Variants in RNF180 observed in about 807,000 individuals in gnomAD.
The protein encoded by RNF180 is ring finger protein 180.
Under a neutral mutation model 59.2 loss-of-function variants are expected in RNF180, and 38 were observed. The ratio of observed to expected loss-of-function variants is 0.64; its 90% CI spans 0.50 to 0.84. The LOEUF is 0.84. Among genes scored for constraint, RNF180 ranks in the 40% least tolerant of loss-of-function variants. The pLI is 0.00. For missense variants in RNF180, 705 were observed against 700.9 expected (o/e 1.01, Z -0.07); for synonymous variants, 262 against 240.3 (o/e 1.09, Z -0.84).
intron 5 of RNF180, among the ~76,000 whole-genome samples, chr5:64,270,007 C>T (rs930429975): frequency 6.8e-6 from 1 of 146,776 alleles, no homozygotes; most frequent in African/African-American, 2.6e-5. Context: ...TCTGTCTCTT[C>T]CTCCTTCCCA....
In RNF180 at chr5:64,214,269, G is replaced by C; in HGVS notation, c.943G>C (p.Glu315Gln). 6.2e-6 allele frequency: 10 copies of C among 1,614,068 alleles called. No homozygotes were observed. The highest frequency in any genetic ancestry group is 8.5e-6 in the Non-Finnish European group (10 of 1,180,012). ...AGGAGGAGAATTTCAGTGTGGTCTA[G>C]AAGCTGCTTCAGTGTATTCTGACCA... The part of the protein sequence containing the change: ...QRGGEFQCGL[E>Q]AASVYSDHTN... Residue 315 changes from glutamate (E) to glutamine (Q), a missense_variant, in exon 4 of 8, where the codon GAA becomes CAA. Glu to Gln is a conservative substitution (Grantham distance 29). Transcript: ENST00000389100.
intron 5 of RNF180, among the ~76,000 whole-genome samples, chr5:64,291,120 G>A (rs946281405): frequency 6.6e-6 from 1 of 152,116 alleles, no homozygotes; most frequent in African/African-American, 2.4e-5. Flanking sequence ...GGAATTCTAG[G>A]TTGGAAATTC....
intron 5 of RNF180, among the ~76,000 whole-genome samples, chr5:64,285,618 G>A (rs959973050): frequency 1.3e-5 from 2 of 152,164 alleles, no homozygotes; most frequent in Non-Finnish European, 2.9e-5. Flanking sequence ...GGACTCCCGG[G>A]AGCACCATGG....
At chr5:64,351,438 A>G (rs1481055422) in intron 7 of RNF180, among the ~76,000 whole-genome samples, 1 of 152,092 alleles carries the variant, frequency 6.6e-6, no homozygotes, top group African/African-American at 2.4e-5. Flanking sequence ...TTCCAACCCT[A>G]TGTTGAATAG....
intron 1 of RNF180, among the ~76,000 whole-genome samples, chr5:64,176,623 C>G (rs762214009): frequency 2.6e-5 from 4 of 151,988 alleles, no homozygotes; most frequent in Non-Finnish European, 5.9e-5. Context: ...GTTTTTTAAT[C>G]TTGATAAATT....
At chr5:64,262,497 A>G (rs1744404156) in intron 5 of RNF180, among the ~76,000 whole-genome samples, 1 of 152,164 alleles carries the variant, frequency 6.6e-6, no homozygotes, top group Non-Finnish European at 1.5e-5. Context: ...CTCTTTTACC[A>G]TGGCATAGAG....
chr5:64,316,880 C>G (rs965880871), intron 5 of RNF180, among the ~76,000 whole-genome samples: 2 of 152,106 alleles, frequency 1.3e-5, no homozygotes, highest in African/African-American at 4.8e-5. Flanking sequence ...AAGGGGGATG[C>G]GTCCAGCGAC....
intron 2 of RNF180, among the ~76,000 whole-genome samples, chr5:64,211,096 GCAGCTGGCATCAATGGGGTTTTTCAGAC>G (rs1460490126): frequency 6.6e-6 from 1 of 152,130 alleles, no homozygotes; most frequent in Non-Finnish European, 1.5e-5. Context: ...TTCTTTCAGA[GCAGCTGGCATCAATGGGGTTTTTCAGAC>G]CAGCTGGTGT....
At chr5:64,350,968 G>A (rs1460781719) in intron 7 of RNF180, among the ~76,000 whole-genome samples, 1 of 151,906 alleles carries the variant, frequency 6.6e-6, no homozygotes, top group Non-Finnish European at 1.5e-5. Context: ...AGCTTGATGG[G>A]GATGGCATTG....
At chr5:64,278,920 T>C (rs904532708) in intron 5 of RNF180, among the ~76,000 whole-genome samples, 1 of 152,102 alleles carries the variant, frequency 6.6e-6, no homozygotes, top group Admixed American at 6.6e-5. Context: ...GTGCCTGGTA[T>C]GATGGATATC....
intron 5 of RNF180, among the ~76,000 whole-genome samples, chr5:64,257,584 G>A (rs1254891456): frequency 6.6e-6 from 1 of 152,166 alleles, no homozygotes; most frequent in Non-Finnish European, 1.5e-5. Flanking sequence ...GCTTTTTGAT[G>A]TGCTGCTGAA....
chr5:64,292,207 C>G (rs1251956283), intron 5 of RNF180, among the ~76,000 whole-genome samples: 1 of 152,126 alleles, frequency 6.6e-6, no homozygotes, highest in Non-Finnish European at 1.5e-5. Context: ...GTAGAAAAGG[C>G]ACTCTGGCCT....
chr5:64,263,014 G>C (rs898562348), intron 5 of RNF180, among the ~76,000 whole-genome samples: 1 of 152,184 alleles, frequency 6.6e-6, no homozygotes, highest in Non-Finnish European at 1.5e-5. Context: ...CACAAATATG[G>C]TGTAGCATTA....
chr5:64,184,718 C>G (rs951998320), intron 1 of RNF180, among the ~76,000 whole-genome samples: 5 of 152,100 alleles, frequency 3.3e-5, no homozygotes, highest in Admixed American at 6.6e-5. Flanking sequence ...TAAAGTATCC[C>G]TGGGCTGGTG....
intron 5 of RNF180, among the ~76,000 whole-genome samples, chr5:64,269,210 AT>A: frequency 6.6e-6 from 1 of 152,108 alleles, no homozygotes; most frequent in East Asian, 1.9e-4. Context: ...GTCTTCATTT[AT>A]GTATTCTCCC....
At chr5:64,273,810 A>G (rs558815116) in intron 5 of RNF180, among the ~76,000 whole-genome samples, 60 of 152,130 alleles carry the variant, frequency 3.9e-4, no homozygotes, top group African/African-American at 1.4e-3. Flanking sequence ...GTGAGAAGCC[A>G]CTAGAGACAA....
chr5:64,322,011 G>T (rs1285377487), intron 5 of RNF180, among the ~76,000 whole-genome samples: 2 of 152,122 alleles, frequency 1.3e-5, no homozygotes, highest in African/African-American at 4.8e-5. Flanking sequence ...ATTAACTCAA[G>T]GTGGATTAAA....
chr5:64,206,588 G>A (rs180713342), intron 2 of RNF180, among the ~76,000 whole-genome samples: 45 of 152,184 alleles, frequency 3.0e-4, no homozygotes, highest in African/African-American at 9.2e-4. Flanking sequence ...TAGTGATACC[G>A]TATATTTGTT....
intron 1 of RNF180, among the ~76,000 whole-genome samples, chr5:64,195,929 G>A (rs1751433475): frequency 6.6e-6 from 1 of 152,156 alleles, no homozygotes; most frequent in African/African-American, 2.4e-5. Flanking sequence ...ATATCTTTGG[G>A]ACGTGGGAGG....
Sources: gnomAD v4.1 joint callset for allele counts (sites outside exome capture counted in the v4.1 genomes callset) on GRCh38, gnomAD v4.1.1 for gene constraint, MANE v1.5 for transcripts, NCBI Gene and HGNC (gene_info 2026-07-23, HGNC 2026-07-21) for gene names.